The following TYMP variants were observed in gnomAD, a reference collection of about 807,000 sequenced individuals.
TYMP encodes thymidine phosphorylase.
In TYMP, 46 loss-of-function variants were observed where a neutral mutation model predicts 42.3. The ratio of observed to expected loss-of-function variants is 1.09; its 90% CI spans 0.86 to 1.39. TYMP has a LOEUF of 1.39. TYMP is among the 40% of genes most tolerant of loss of function. TYMP has a pLI of 0.00. For synonymous variants in TYMP, 363 were observed against 308.0 expected, an observed-to-expected ratio of 1.18 and a Z score of -1.87; for missense variants, 837 against 677.6, an observed-to-expected ratio of 1.24 and a Z score of -2.61.
In TYMP at chr22:50,526,389, G is replaced by C. The variant is rs2069378129; in HGVS notation, c.1016C>G (p.Ala339Gly). The C allele has an allele frequency of 1.3e-6, 2 of 1,525,098 alleles. No individual in the cohort carries two copies. Among genetic ancestry groups the C allele is most frequent in the African/African-American group, 2.9e-5 (2 of 69,596 alleles). 94.5% of individuals were successfully genotyped at this position (1,525,098 alleles called of 1,614,324 possible). The change falls in exon 8 of 10, where the codon GCC becomes GGC. Residue 339 changes from alanine to glycine, a missense_variant. Transcript: ENST00000252029. ...RVAAALDDGSALGRFERMLAA... is the reference protein window; with the variant it reads ...RVAAALDDGSGLGRFERMLAA... ...CAGCATCCGCTCGAAGCGGCCAAGG[G>C]CCGAGCCGTCGTCCAGCGCCGCGGC...
At chr22:50,528,782 A>G in intron 3 of TYMP, 172 bp from the exon 4 acceptor site, 1 of 669,218 alleles carries the variant, frequency 1.5e-6, no homozygotes, top group African/African-American at 1.8e-5. Flanking sequence ...GAGAAGTGTC[A>G]GTAGGGGAGG....
chr22:50,527,906 C>G (rs1254028744), intron 4 of TYMP, 189 bp from the exon 5 acceptor site: 3 of 659,388 alleles, frequency 4.5e-6, no homozygotes, highest in African/African-American at 3.7e-5. Flanking sequence ...TTCCCAGTAG[C>G]TGGGACTACA....
chr22:50,527,208 A>T lies in TYMP; in HGVS notation c.722T>A (p.Val241Asp), dbSNP rs758373793. ...CCGGGCCTGCTCCTGGTTGGGGAAG[A>T]CGGCGGCCCCTCCGAACTTAACGTC... ...VVDVKFGGAA[V>D]FPNQEQAREL... Residue 241 changes from valine to aspartate, a missense_variant, in exon 6 of 10, where the codon GTC becomes GAC. Physicochemically the swap from Val to Asp is radical, Grantham distance 152. Transcript: ENST00000252029. 1 of 1,613,518 alleles carries T rather than the reference A, an allele frequency of 6.2e-7. No homozygotes were observed.
intron 3 of TYMP, 53 bp downstream of exon 3, chr22:50,529,083 G>T: frequency 6.3e-7 from 1 of 1,582,178 alleles, no homozygotes; most frequent in East Asian, 2.2e-5. Flanking sequence ...TGGATGGACT[G>T]GTTGCTGCAT....
intron 3 of TYMP, 102 bp from the exon 4 acceptor site, chr22:50,528,712 A>C: frequency 1.0e-6 from 1 of 956,006 alleles, no homozygotes; most frequent in South Asian, 1.4e-5. Flanking sequence ...TTTGGAAAGT[A>C]TTTAAGCAGC....
At chr22:50,527,465 T>C in intron 5 of TYMP, 123 bp downstream of exon 5, 1 of 1,502,640 alleles carries the variant, frequency 6.7e-7, no homozygotes, top group Non-Finnish European at 9.2e-7. Flanking sequence ...GTCAGGCATC[T>C]TGTGATGGGG....
In TYMP at chr22:50,526,606, G is replaced by T; in HGVS notation, c.898C>A (p.Pro300Thr). The change falls in exon 7 of 10, where the codon CCA (proline) becomes ACA (threonine). Residue 300 changes from proline (P) to threonine (T), a missense_variant. Physicochemically the swap from Pro to Thr is conservative, Grantham distance 38 (BLOSUM62 -1). Transcript: ENST00000252029. ...GTGGTGACCAGGTCCCTTAAGTCTG[G>T]CGGGCCTGCGCCGTCCATGCAGAGC... Reference protein sequence around the residue: ...ALLCMDGAGPPDLRDLVTTLG... With the variant: ...ALLCMDGAGPTDLRDLVTTLG... 6.3e-7 allele frequency: 1 copy of T among 1,579,858 alleles called. No homozygotes were observed. Among genetic ancestry groups the T allele is most frequent in the Non-Finnish European group, 8.6e-7 (1 of 1,164,306 alleles).
At chr22:50,527,090 G>C (rs762181858) in intron 6 of TYMP, 75 bp downstream of exon 6, 3 of 1,205,088 alleles carry the variant, frequency 2.5e-6, no homozygotes, top group South Asian at 1.2e-5. Context: ...GAGGGAGGCA[G>C]TGGGGACGGG....
chr22:50,528,656 A>G, intron 3 of TYMP, 46 bp from the exon 4 acceptor site: 8 of 1,431,436 alleles, frequency 5.6e-6, no homozygotes, highest in Non-Finnish European at 7.8e-6. Flanking sequence ...CCCCTCCCCC[A>G]CCTCTGTGCA....
rs1385879743 is a variant in TYMP at position 50,526,128 on chromosome 22, C to T, written c.1173G>A (p.Leu391=). The part of the protein sequence containing the change: ...LLAPADGTVE[L]VRALPLALVL... ...CCAGCGCCAGCGGCAGCGCCCGGACCAGCTCCACGGTGCCTGCGGGGAGAG... is the reference window on the plus strand; with the variant it reads ...CCAGCGCCAGCGGCAGCGCCCGGACTAGCTCCACGGTGCCTGCGGGGAGAG... The change falls in exon 9 of 10, where the codon CTG becomes CTA. Residue 391 remains leucine, a synonymous_variant. Transcript: ENST00000252029. The T allele has an allele frequency of 3.4e-6, 5 of 1,488,804 alleles. No individual in the cohort carries two copies. The highest frequency in any genetic ancestry group is 2.1e-4 in the Middle Eastern group (1 of 4,878). 92.2% of individuals were successfully genotyped at this position (1,488,804 alleles called of 1,614,324 possible).
intron 8 of TYMP, 25 bp from the exon 9 acceptor site, chr22:50,526,166 G>T (rs1473173400): frequency 1.4e-6 from 2 of 1,469,268 alleles, no homozygotes; most frequent in Admixed American, 2.3e-5. Context: ...GCTGAGAGGC[G>T]CGGGCTCGGG....
chr22:50,527,450 TG>T, intron 5 of TYMP, 137 bp downstream of exon 5: 1 of 1,398,316 alleles, frequency 7.2e-7, no homozygotes, highest in Non-Finnish European at 1.0e-6. Flanking sequence ...CCCCACATGG[TG>T]GTGGTCAGGC....
chr22:50,525,964 G>C, intron 9 of TYMP, 37 bp downstream of exon 9: 2 of 1,390,434 alleles, frequency 1.4e-6, no homozygotes, highest in South Asian at 1.6e-5. Context: ...GGAGCTGGGC[G>C]GGGGTGCGGG....
In TYMP at chr22:50,527,793, T is replaced by C. The variant is rs567216698; in HGVS notation, c.517-76A>G. The C allele has an allele frequency of 1.4e-3, 1,987 of 1,443,454 alleles. 2 individuals are homozygous for C. The highest frequency in any genetic ancestry group is 2.3e-3 in the Admixed American group (113 of 48,804). The allele number at this position is 1,443,454 out of a possible 1,614,324, so 89.4% of individuals were successfully genotyped here. A position where few individuals can be genotyped will look rare whatever the true frequency, so the allele number is the denominator to read the frequency against. On this transcript the variant is annotated intron_variant, in intron 4 of 9. Coordinates refer to ENST00000252029, the MANE Select transcript of TYMP (RefSeq NM_001953.5). ...CTTTTTTTTTTTTTTTTTTTTTTTCTGTGAAGAGTCTTCCTCTGTTGCCCA... is the reference window on the plus strand; with the variant it reads ...CTTTTTTTTTTTTTTTTTTTTTTTCCGTGAAGAGTCTTCCTCTGTTGCCCA...
rs746978436 is a variant in TYMP, at chr22:50,529,652, C to G, written c.58G>C (p.Gly20Arg). The part of the protein sequence containing the change: ...GAPPAPGDFS[G>R]EGSQGLPDPS... Reference sequence around the variant, plus strand: ...TCGGGAAGTCCCTGGCTCCCTTCCCCGGAGAAGTCACCAGGCGCGGGTGGG... The same window carrying G: ...TCGGGAAGTCCCTGGCTCCCTTCCCGGGAGAAGTCACCAGGCGCGGGTGGG... Residue 20 changes from glycine to arginine, a missense_variant, in exon 2 of 10, where the codon GGG becomes CGG. Transcript: ENST00000252029. 6.2e-6 allele frequency: 10 copies of G among 1,612,414 alleles called. No homozygotes were observed. In the South Asian group the frequency reaches 7.7e-5, roughly 12 times the overall value.
In TYMP at chr22:50,525,820, A is replaced by G. The variant is rs1432744426; in HGVS notation, c.1399T>C (p.Phe467Leu). ...TCTGCGAAGGGCGAGGGGGCGGCGA[A>G]TGGCGCGCGGTCGGAGAGTACGAGC... ...EALVLSDRAPFAAPSPFAELV... is the reference protein window; with the variant it reads ...EALVLSDRAPLAAPSPFAELV... The change falls in exon 10 of 10, where the codon TTC becomes CTC. Residue 467 changes from phenylalanine to leucine, a missense_variant. Phe to Leu is a conservative substitution (Grantham distance 22). Transcript: ENST00000252029. 3 of 1,610,030 alleles carry G rather than the reference A, an allele frequency of 1.9e-6. No individual in the cohort carries two copies. Among genetic ancestry groups the G allele is most frequent in the Admixed American group, 1.7e-5 (1 of 59,842 alleles).
Position 50,529,570 on chromosome 22 carries a change from C to T in TYMP, c.140G>A (p.Gly47Asp). Residue 47 changes from glycine (G) to aspartate (D), a missense_variant, in exon 2 of 10, where the codon GGC becomes GAC. Physicochemically the swap from Gly to Asp is moderately conservative, Grantham distance 94. Transcript: ENST00000252029. ...PELIRMKRDG[G>D]RLSEADIRGF... is the part of the protein sequence containing the mutation. ...CCTGATGTCCGCTTCGCTCAGGCGG[C>T]CTCCGTCTCGCTTCATGCGGATCAG... The T allele has an allele frequency of 1.2e-6, 2 of 1,613,160 alleles. No individual in the cohort carries two copies. The highest frequency in any genetic ancestry group is 1.7e-6 in the Non-Finnish European group (2 of 1,179,938).
chr22:50,528,062 A>T, intron 4 of TYMP: 1 of 400,222 alleles, frequency 2.5e-6, no homozygotes, highest in South Asian at 2.2e-5. Context: ...CCCAGGCTGG[A>T]GTGCAGTGGC....
In TYMP at chr22:50,529,347, TG is replaced by T. The variant is rs760418387; in HGVS notation, c.215-10del. On this transcript the variant is annotated splice_polypyrimidine_tract_variant and intron_variant, in intron 2 of 9. Coordinates refer to ENST00000252029, the MANE Select transcript of TYMP (RefSeq NM_001953.5). ...GGCCATCAGCATGGCCCCTGGTATG[TG>T]GGGGTACGCGTGAGGGTGGCAGCCC... 4 of 1,612,840 alleles carry T rather than the reference TG, an allele frequency of 2.5e-6. No homozygotes were observed. In the Admixed American group the frequency reaches 5.0e-5, roughly 20 times the overall value.
Sources: allele counts gnomAD v4.1 joint callset, GRCh38; gene constraint gnomAD v4.1.1; transcripts MANE v1.5; gene names NCBI Gene and HGNC (gene_info 2026-07-23, HGNC 2026-07-21).